The following SI variants were observed in gnomAD, a reference collection of about 807,000 sequenced individuals.
SI encodes the protein sucrase-isomaltase, intestinal.
A neutral mutation model predicts 253.3 loss-of-function variants in SI; 235 were observed. The ratio of observed to expected loss-of-function variants is 0.93; its 90% CI spans 0.83 to 1.03. SI has a LOEUF of 1.03. Among genes scored for constraint, SI ranks in the 50% least tolerant of loss-of-function variants. The pLI is 0.00. For synonymous variants in SI, 819 were observed against 712.0 expected (o/e 1.15, Z -2.39); for missense variants, 2,442 against 2,211.1 (o/e 1.10, Z -2.09).
rs774545616 is a variant in SI at position 164,982,339 on chromosome 3, A to G, written c.5319T>C (p.His1773=). 5 of 1,612,432 alleles carry G rather than the reference A, an allele frequency of 3.1e-6. No individual in the cohort carries two copies. Among genetic ancestry groups the G allele is most frequent in the African/African-American group, 1.3e-5 (1 of 74,970 alleles). ...NKSETRLGSL[H]VWGKGTTPVN... ...CAGGAGTAGTTCCTTTCCCCCATAC[A>G]TGAAGGGATCCAAGCCTCGTTTCAC... Residue 1773 remains histidine (H), a synonymous_variant, in exon 47 of 48, where the codon CAT becomes CAC. Transcript: ENST00000264382.
chr3:165,015,038 G>T, intron 33 of SI, 85 bp downstream of exon 33: 1 of 959,048 alleles, frequency 1.0e-6, no homozygotes, highest in Non-Finnish European at 1.7e-6. Context: ...TCTCCTGAAC[G>T]GTTTTAACTT....
chr3:165,080,652 A>T (rs1013473290), upstream of SI, among the ~76,000 whole-genome samples: 13 of 152,070 alleles, frequency 8.5e-5, no homozygotes, highest in Non-Finnish European at 1.6e-4. Flanking sequence ...TATCGCAAGG[A>T]CAAAAAACCA....
intron 12 of SI, among the ~76,000 whole-genome samples, chr3:165,057,910 T>C (rs536021026): frequency 6.6e-6 from 1 of 152,008 alleles, no homozygotes; most frequent in Non-Finnish European, 1.5e-5. Context: ...AAACATTGTC[T>C]TTAATCTTTA....
chr3:165,000,207 T>C (rs1324166258), intron 37 of SI, among the ~76,000 whole-genome samples: 1 of 151,376 alleles, frequency 6.6e-6, no homozygotes, highest in African/African-American at 2.4e-5. Flanking sequence ...GAAAATTATG[T>C]TTCTGGAGGA....
Position 165,060,039 on chromosome 3 carries a change from T to A in SI, c.1021-12A>T. The A allele has an allele frequency of 6.2e-7, 1 of 1,608,896 alleles. No homozygotes were observed. The highest frequency in any genetic ancestry group is 8.5e-7 in the Non-Finnish European group (1 of 1,176,272). ...GGTAGTCCAACAAGCTTAAAGTAAA[T>A]GAGCATGTAATTAGTTTGAATAGAA... On this transcript the variant is annotated splice_polypyrimidine_tract_variant and intron_variant, in intron 9 of 47. Transcript: ENST00000264382.
At chr3:165,062,617 A>C in intron 8 of SI, 134 bp from the exon 9 acceptor site, 1 of 599,578 alleles carries the variant, frequency 1.7e-6, no homozygotes, top group Non-Finnish European at 3.0e-6. Flanking sequence ...GAAATAATGA[A>C]ATATTGAATG....
intron 2 of SI, 51 bp downstream of exon 2, chr3:165,075,844 C>A (rs779098373): frequency 1.0e-5 from 11 of 1,081,960 alleles, no homozygotes; most frequent in Non-Finnish European, 1.6e-5. Context: ...TGTGGAGTAA[C>A]TTCCTCCTAA....
intron 34 of SI, among the ~76,000 whole-genome samples, chr3:165,010,197 T>C (rs1488259337): frequency 1.3e-5 from 2 of 152,196 alleles, no homozygotes; most frequent in Non-Finnish European, 2.9e-5. Context: ...TTTGCTCTTG[T>C]TGCCCAGGCT....
intron 3 of SI, among the ~76,000 whole-genome samples, chr3:165,071,725 CGAA>C (rs1470482163): frequency 6.6e-6 from 1 of 151,876 alleles, no homozygotes; most frequent in Non-Finnish European, 1.5e-5. Flanking sequence ...GAAAAGACAG[CGAA>C]GATCTCTTTC....
intron 40 of SI, 46 bp downstream of exon 40, chr3:164,996,484 AAGCAT>A (rs1478374205): frequency 2.0e-6 from 2 of 979,718 alleles, no homozygotes; most frequent in Non-Finnish European, 3.3e-6. Context: ...AAGTATAATG[AAGCAT>A]AGCCCAAGTA....
intron 9 of SI, among the ~76,000 whole-genome samples, chr3:165,061,085 T>G (rs973671517): frequency 6.6e-6 from 1 of 151,716 alleles, no homozygotes; most frequent in African/African-American, 2.4e-5. Context: ...ACACCATATG[T>G]TCCATAGAAT....
chr3:164,998,243 C>A (rs1434303140), intron 38 of SI, among the ~76,000 whole-genome samples: 1 of 151,692 alleles, frequency 6.6e-6, no homozygotes, highest in Non-Finnish European at 1.5e-5. Flanking sequence ...CTATTCATTT[C>A]TCTCTATTAG....
chr3:165,082,022 C>T (rs1247894630), upstream of SI, among the ~76,000 whole-genome samples: 1 of 151,920 alleles, frequency 6.6e-6, no homozygotes, highest in Non-Finnish European at 1.5e-5. Flanking sequence ...AATAACATCA[C>T]ACATTTGCTA....
chr3:165,026,669 C>T (rs1323748213), intron 25 of SI, among the ~76,000 whole-genome samples: 1 of 151,290 alleles, frequency 6.6e-6, no homozygotes, highest in Non-Finnish European at 1.5e-5. Context: ...CCAAAAGGAA[C>T]CTTCAAAACC....
chr3:165,059,106 C>CA lies in SI; in HGVS notation c.1279-25dup, dbSNP rs766216577. 1.9e-5 allele frequency: 30 copies of CA among 1,592,980 alleles called. No individual in the cohort carries two copies. The South Asian group carries it at 2.1e-4, about 11-fold the overall frequency. ...TCCTAATAATAGAAAGCAGAAACTG[C>CA]AAAATCTATTAACTTACACGTGTAA... On this transcript the variant is annotated intron_variant, in intron 11 of 47. Transcript: ENST00000264382.
Position 165,040,932 on chromosome 3 carries a change from G to A in SI, c.2159+8C>T. 6.3e-7 allele frequency: 1 copy of A among 1,597,618 alleles called. No individual in the cohort carries two copies. On this transcript the variant is annotated splice_region_variant and intron_variant, in intron 18 of 47. Transcript: ENST00000264382. ...GGTATTATTATAATTATTGTACGTA[G>A]TACTCACTCATGAAGAACTGGTCTT...
chr3:165,029,503 G>C lies in SI; in HGVS notation c.2892+1209C>G, dbSNP rs531639795. On this transcript the variant is annotated intron_variant, in intron 25 of 47. Coordinates refer to ENST00000264382, the MANE Select transcript of SI (RefSeq NM_001041.4). ...CGTGCATGTTTATAGCAGCACAATT[G>C]CAATTGCAAAAATGTGGAACCAAAC... 1.6e-4 allele frequency among the ~76,000 whole-genome samples: 23 copies of C among 148,360 alleles called. No individual in the cohort carries two copies. In the Admixed American group the frequency reaches 1.6e-3, roughly 10 times the overall value.
chr3:165,019,667 T>C lies in SI; in HGVS notation c.3358A>G (p.Thr1120Ala). Residue 1120 changes from threonine (T) to alanine (A), a missense_variant, in exon 28 of 48, where the codon ACA becomes GCA. Coordinates refer to ENST00000264382, the MANE Select transcript of SI (RefSeq NM_001041.4). The stretch of plus-strand genomic sequence containing the variant: ...CAGTTCAGATCTCGCTTAAATGCTG[T>C]ATGTTCCACTTCCCCAAAACCATAT... Reference protein sequence around the residue: ...YIYGFGEVEHTAFKRDLNWNT... With the variant: ...YIYGFGEVEHAAFKRDLNWNT... 6.2e-7 allele frequency: 1 copy of C among 1,612,728 alleles called. No homozygotes were observed. The highest frequency in any genetic ancestry group is 1.7e-4 in the Middle Eastern group (1 of 6,050).
chr3:164,987,833 A>T (rs1020613754), intron 44 of SI, among the ~76,000 whole-genome samples: 2 of 152,220 alleles, frequency 1.3e-5, no homozygotes, highest in African/African-American at 4.8e-5. Flanking sequence ...TTTTATTCAT[A>T]TATTTACTCA....
Sources: allele counts gnomAD v4.1 joint callset (sites outside exome capture counted in the v4.1 genomes callset), GRCh38; gene constraint gnomAD v4.1.1; transcripts MANE v1.5; gene names NCBI Gene and HGNC (gene_info 2026-07-23, HGNC 2026-07-21).